Variants in MOB3B observed in about 807,000 individuals in gnomAD.
MOB3B encodes the protein MOB kinase activator-like 2B.
MOB3B carries 7 observed loss-of-function variants against 18.7 expected under a neutral mutation model. The ratio of observed to expected loss-of-function variants is 0.37; its 90% CI spans 0.21 to 0.70. MOB3B has a LOEUF of 0.70. MOB3B is among the 30% of genes least tolerant of loss of function. The probability of loss-of-function intolerance (pLI) is 0.52; values close to 1 mark genes in which losing one functional copy is unlikely to be tolerated. For synonymous variants in MOB3B, 111 were observed against 99.9 expected, an observed-to-expected ratio of 1.11 and a Z score of -0.66; for missense variants, 253 against 281.3, an observed-to-expected ratio of 0.90 and a Z score of 0.72.
rs756275032 is a variant in MOB3B, at chr9:27,404,347, C to CTT, written c.419-45113_419-45112dup. On this transcript the variant is annotated intron_variant, in intron 2 of 3. Coordinates refer to ENST00000262244, the MANE Select transcript of MOB3B (RefSeq NM_024761.5). The stretch of plus-strand genomic sequence containing the variant: ...TCTTTCTTTCTTTCCTTCTTTCTTT[C>CTT]TTTTTTTTTTTTTTTTTTTTTTTTT... Among the ~76,000 whole-genome samples, 688 of 75,172 alleles carry CTT rather than the reference C, an allele frequency of 9.2e-3. 74 individuals are homozygous for CTT. Among genetic ancestry groups the CTT allele is most frequent in the African/African-American group, 0.031 (539 of 17,422 alleles). 49.3% of individuals were successfully genotyped at this position (75,172 alleles called of 152,430 possible).
At chr9:27,419,494 G>A (rs10967932) in intron 2 of MOB3B, among the ~76,000 whole-genome samples, 133,240 of 152,074 alleles carry the variant, frequency 0.88, 59,944 homozygotes, top group East Asian at 1. Flanking sequence ...AACCAGAAAT[G>A]AACCCAAATA....
chr9:27,329,171 A>G lies in MOB3B; in HGVS notation c.*1416T>C, dbSNP rs1189569213. 6.6e-6 allele frequency: 1 copy of G among 152,200 alleles called. No homozygotes were observed. The highest frequency in any genetic ancestry group is 1.5e-5 in the Non-Finnish European group (1 of 68,032). 9.4% of individuals were successfully genotyped at this position (152,200 alleles called of 1,614,324 possible). ...TTTAATCATTATTACTTTAAAATACACTAATACATTCTTATCTACTTCCCT... is the reference window on the plus strand; with the variant it reads ...TTTAATCATTATTACTTTAAAATACGCTAATACATTCTTATCTACTTCCCT... On this transcript the variant is annotated 3_prime_UTR_variant, in exon 4 of 4. Coordinates refer to ENST00000262244, the MANE Select transcript of MOB3B (RefSeq NM_024761.5).
chr9:27,509,308 G>C (rs1189224069), intron 1 of MOB3B, among the ~76,000 whole-genome samples: 1 of 152,156 alleles, frequency 6.6e-6, no homozygotes, highest in Non-Finnish European at 1.5e-5. Flanking sequence ...GAGAGAGAGG[G>C]AGGGAGAGAA....
At chr9:27,341,979 G>GA (rs1252063101) in intron 3 of MOB3B, among the ~76,000 whole-genome samples, 1 of 151,848 alleles carries the variant, frequency 6.6e-6, no homozygotes, top group Non-Finnish European at 1.5e-5. Context: ...TTTGATAGTT[G>GA]AAAAAAGAAA....
Position 27,328,833 on chromosome 9 carries a change from T to C in MOB3B, c.*1754A>G, listed in dbSNP as rs1445631558. On this transcript the variant is annotated 3_prime_UTR_variant, in exon 4 of 4. Coordinates refer to ENST00000262244, the MANE Select transcript of MOB3B (RefSeq NM_024761.5). ...CAGATATTCTTTTGGCCAAAAGAGATGTAGGGAAAAAACTTTGCCTATCTT... is the reference window on the plus strand; with the variant it reads ...CAGATATTCTTTTGGCCAAAAGAGACGTAGGGAAAAAACTTTGCCTATCTT... 3.9e-5 allele frequency: 6 copies of C among 152,618 alleles called. No individual in the cohort carries two copies. The East Asian group carries it at 5.8e-4, about 15-fold the overall frequency. The allele number at this position is 152,618 out of a possible 1,614,324, so 9.5% of individuals were successfully genotyped here.
intron 2 of MOB3B, among the ~76,000 whole-genome samples, chr9:27,410,161 A>G (rs1419810592): frequency 6.6e-6 from 1 of 152,256 alleles, no homozygotes; most frequent in Non-Finnish European, 1.5e-5. Flanking sequence ...ATCCAAGAAC[A>G]AGAAGTCAGC....
Position 27,340,237 on chromosome 9 carries a change from A to G in MOB3B, c.622-9621T>C, listed in dbSNP as rs148861177. Among the ~76,000 whole-genome samples the G allele has an allele frequency of 1.0e-3, 157 of 152,334 alleles. 2 individuals carry two copies. In the East Asian group the frequency reaches 0.029, roughly 28 times the overall value. The stretch of plus-strand genomic sequence containing the variant: ...GTGTGCACATATGTGCAGGCTCCCA[A>G]GTGCACATATACATATGTATGGCTA... On this transcript the variant is annotated intron_variant, in intron 3 of 3. Transcript: ENST00000262244.
chr9:27,336,785 C>G (rs182595651), intron 3 of MOB3B, among the ~76,000 whole-genome samples: 1 of 152,062 alleles, frequency 6.6e-6, no homozygotes, highest in South Asian at 2.1e-4. Flanking sequence ...TATACTCATG[C>G]GTACACACCC....
intron 1 of MOB3B, among the ~76,000 whole-genome samples, chr9:27,514,706 A>T (rs1039013839): frequency 7.9e-5 from 12 of 152,224 alleles, no homozygotes; most frequent in Admixed American, 2.0e-4. Context: ...ATTTTGGGCC[A>T]TGATGAAGAA....
chr9:27,359,022 GGT>G lies in MOB3B; in HGVS notation c.621+10_621+11del, dbSNP rs760090695. On this transcript the variant is annotated intron_variant, in intron 3 of 3. Coordinates refer to ENST00000262244, the MANE Select transcript of MOB3B (RefSeq NM_024761.5). The stretch of plus-strand genomic sequence containing the variant: ...GGTGACTTGGATACCATTATTTCAT[GGT>G]GTCACTTACCAAAGGCTCTAGCTCC... 4 of 1,613,222 alleles carry G rather than the reference GGT, an allele frequency of 2.5e-6. No individual in the cohort carries two copies. Among genetic ancestry groups the G allele is most frequent in the Non-Finnish European group, 3.4e-6 (4 of 1,179,298 alleles).
chr9:27,526,824 C>T (rs1447597074), intron 1 of MOB3B, among the ~76,000 whole-genome samples: 1 of 152,140 alleles, frequency 6.6e-6, no homozygotes, highest in Non-Finnish European at 1.5e-5. Context: ...TGACAAGATA[C>T]TCCCATCAGT....
chr9:27,433,485 T>C (rs540023066), intron 2 of MOB3B, among the ~76,000 whole-genome samples: 47 of 152,238 alleles, frequency 3.1e-4, no homozygotes, highest in African/African-American at 1.1e-3. Flanking sequence ...GTCACAGAAA[T>C]CAGAAATGCA....
In MOB3B at chr9:27,405,093, C is replaced by CTTTTT. The variant is rs74178386; in HGVS notation, c.419-45862_419-45858dup. Among the ~76,000 whole-genome samples, 69 of 48,416 alleles carry CTTTTT rather than the reference C, an allele frequency of 1.4e-3. 4 individuals are homozygous for CTTTTT. The highest frequency in any genetic ancestry group is 2.9e-3 in the African/African-American group (33 of 11,332). The allele number at this position is 48,416 out of a possible 152,430, so 31.8% of individuals were successfully genotyped here. ...AGAAATATCTATTCAGAACCTTTGT[C>CTTTTT]TTTTTTTTTTTTTTTTTTTTTTTTT... is the stretch of plus-strand genomic sequence containing the variant. On this transcript the variant is annotated intron_variant, in intron 2 of 3. Transcript: ENST00000262244.
chr9:27,400,479 G>GT (rs1821861796), intron 2 of MOB3B, among the ~76,000 whole-genome samples: 1 of 152,138 alleles, frequency 6.6e-6, no homozygotes, highest in Non-Finnish European at 1.5e-5. Context: ...CAGGCACACA[G>GT]TTACCTTTCA....
chr9:27,492,663 T>A (rs962406930), intron 1 of MOB3B, among the ~76,000 whole-genome samples: 2 of 152,230 alleles, frequency 1.3e-5, no homozygotes, highest in African/African-American at 4.8e-5. Context: ...ACTAATTGCA[T>A]CTGGAGCAGA....
chr9:27,388,784 T>C (rs1029020544), intron 2 of MOB3B, among the ~76,000 whole-genome samples: 2 of 152,168 alleles, frequency 1.3e-5, no homozygotes, highest in East Asian at 3.9e-4. Context: ...AGTACGTGCC[T>C]TGGCCATCTC....
intron 1 of MOB3B, among the ~76,000 whole-genome samples, chr9:27,465,773 G>A (rs1008670012): frequency 6.6e-6 from 1 of 152,186 alleles, no homozygotes; most frequent in African/African-American, 2.4e-5. Flanking sequence ...AACTGCCAAG[G>A]CCTGGGGCTT....
chr9:27,333,222 G>A (rs1344373549), intron 3 of MOB3B, among the ~76,000 whole-genome samples: 2 of 152,136 alleles, frequency 1.3e-5, no homozygotes, highest in African/African-American at 4.8e-5. Context: ...AATTCATAAA[G>A]GGAATGTATG....
chr9:27,409,106 CTTAAG>C (rs1822027095), intron 2 of MOB3B, among the ~76,000 whole-genome samples: 2 of 152,148 alleles, frequency 1.3e-5, no homozygotes, highest in Non-Finnish European at 2.9e-5. Context: ...AAAACTGGAA[CTTAAG>C]TTAGGTCACA....
Sources: gnomAD v4.1 joint callset for allele counts (sites outside exome capture counted in the v4.1 genomes callset) on GRCh38, gnomAD v4.1.1 for gene constraint, MANE v1.5 for transcripts, NCBI Gene and HGNC (gene_info 2026-07-23, HGNC 2026-07-21) for gene names.